Variants in RBFOX1 observed in about 807,000 individuals in gnomAD.
RBFOX1 encodes RNA binding protein fox-1 homolog 1.
Under a neutral mutation model 57.7 loss-of-function variants are expected in RBFOX1, and 8 were observed. The observed-to-expected ratio is 0.14, with a 90% CI of 0.08 to 0.25. The LOEUF is 0.25. Ranked by LOEUF, RBFOX1 falls within the 10% of genes least tolerant of loss-of-function variation. RBFOX1 has a pLI of 1.00. For synonymous variants in RBFOX1, 326 were observed against 222.4 expected (o/e 1.47, Z -4.15); for missense variants, 611 against 548.5 (o/e 1.11, Z -1.14).
At chr16:6,063,140 T>G (rs777880387) in intron 1 of RBFOX1, among the ~76,000 whole-genome samples, 1 of 152,066 alleles carries the variant, frequency 6.6e-6, no homozygotes, top group Non-Finnish European at 1.5e-5. Context: ...CCACCTAGAC[T>G]AGTTAACACA....
At chr16:6,751,345 G>A (rs574359589) in intron 3 of RBFOX1, among the ~76,000 whole-genome samples, 15 of 152,128 alleles carry the variant, frequency 9.9e-5, no homozygotes, top group Middle Eastern at 3.4e-3. Context: ...AAAAATGAAT[G>A]GACTGAAAAT....
At chr16:5,871,278 A>G (rs969205462) in intron 4 of RBFOX1, among the ~76,000 whole-genome samples, 5 of 152,216 alleles carry the variant, frequency 3.3e-5, no homozygotes, top group African/African-American at 1.2e-4. Flanking sequence ...TGCTAGCCGC[A>G]AAGCACCTGG....
intron 3 of RBFOX1, among the ~76,000 whole-genome samples, chr16:6,674,246 G>C (rs2098786384): frequency 6.6e-6 from 1 of 152,126 alleles, no homozygotes; most frequent in South Asian, 2.1e-4. Flanking sequence ...CTTTGCAGAT[G>C]TTATCAAGTT....
intron 3 of RBFOX1, among the ~76,000 whole-genome samples, chr16:7,017,972 A>G (rs1452450939): frequency 6.6e-6 from 1 of 152,132 alleles, no homozygotes; most frequent in Non-Finnish European, 1.5e-5. Context: ...CCCTTTCTCT[A>G]CGGGCAGTTG....
At chr16:7,388,215 C>T (rs1260410539) in intron 4 of RBFOX1, among the ~76,000 whole-genome samples, 2 of 152,108 alleles carry the variant, frequency 1.3e-5, no homozygotes, top group East Asian at 1.9e-4. Context: ...CAGAGTTCTA[C>T]AGACACACAA....
intron 3 of RBFOX1, among the ~76,000 whole-genome samples, chr16:5,735,987 G>C (rs2052556215): frequency 6.6e-6 from 1 of 152,172 alleles, no homozygotes; most frequent in Non-Finnish European, 1.5e-5. Context: ...GTTCTTAAAA[G>C]CAGAGGTTTG....
chr16:5,259,602 A>G (rs1472364730), intron 1 of RBFOX1, among the ~76,000 whole-genome samples: 1 of 152,132 alleles, frequency 6.6e-6, no homozygotes, highest in Non-Finnish European at 1.5e-5. Context: ...GTGAGGCTCT[A>G]GGGAGGCCAG....
At chr16:7,429,961 C>T (rs564678146) in intron 4 of RBFOX1, among the ~76,000 whole-genome samples, 2 of 152,316 alleles carry the variant, frequency 1.3e-5, no homozygotes, top group East Asian at 3.9e-4. Context: ...CATTGACCTA[C>T]TTACTTTCTC....
chr16:7,308,218 G>C (rs1323643510), intron 4 of RBFOX1, among the ~76,000 whole-genome samples: 1 of 151,808 alleles, frequency 6.6e-6, no homozygotes. Context: ...TCATGGTAAG[G>C]TATGGTGAGG....
intron 3 of RBFOX1, among the ~76,000 whole-genome samples, chr16:6,929,695 T>A (rs969890133): frequency 6.8e-6 from 1 of 148,110 alleles, no homozygotes; most frequent in African/African-American, 2.6e-5. Context: ...GAGAATGTGT[T>A]ACTACGGGGT....
intron 1 of RBFOX1, chr16:6,059,346 C>T (rs2095655352): frequency 1.3e-5 from 2 of 152,110 alleles, no homozygotes; most frequent in South Asian, 2.1e-4. Context: ...ATCTCTTGTG[C>T]AAGAGACTAG....
At chr16:6,239,948 T>C (rs1598705764) in intron 1 of RBFOX1, among the ~76,000 whole-genome samples, 3 of 151,838 alleles carry the variant, frequency 2.0e-5, no homozygotes, top group Admixed American at 6.6e-5. Flanking sequence ...TGGTGGGGGG[T>C]GTTTCGGTTG....
intron 12 of RBFOX1, among the ~76,000 whole-genome samples, chr16:7,656,572 C>A (rs900591725): frequency 2.6e-5 from 4 of 152,084 alleles, no homozygotes; most frequent in African/African-American, 9.7e-5. Context: ...TTCAGGTGGT[C>A]CAGAGAGCAG....
chr16:7,347,657 G>C (rs2097040793), intron 4 of RBFOX1, among the ~76,000 whole-genome samples: 1 of 152,138 alleles, frequency 6.6e-6, no homozygotes, highest in Admixed American at 6.5e-5. Flanking sequence ...CTGTGACTCA[G>C]CTACAGAGAC....
At chr16:6,987,185 T>A (rs1256635681) in intron 3 of RBFOX1, among the ~76,000 whole-genome samples, 2 of 152,094 alleles carry the variant, frequency 1.3e-5, no homozygotes, top group East Asian at 3.9e-4. Context: ...CTGAAGTGTT[T>A]TGCCAAGTCT....
intron 1 of RBFOX1, among the ~76,000 whole-genome samples, chr16:5,358,930 C>T (rs1424773960): frequency 3.3e-5 from 5 of 152,178 alleles, no homozygotes; most frequent in East Asian, 1.9e-4. Flanking sequence ...TTTTGATACC[C>T]ATTATTCCTC....
chr16:5,290,594 A>G (rs982081428), intron 1 of RBFOX1, among the ~76,000 whole-genome samples: 2 of 152,212 alleles, frequency 1.3e-5, no homozygotes, highest in Admixed American at 1.3e-4. Flanking sequence ...TGAAGAGATG[A>G]CACTTAAGGA....
intron 2 of RBFOX1, among the ~76,000 whole-genome samples, chr16:6,447,621 C>T (rs1030756573): frequency 6.6e-6 from 1 of 152,126 alleles, no homozygotes; most frequent in Non-Finnish European, 1.5e-5. Context: ...CTGTGTATCT[C>T]TACGTGCGCG....
intron 1 of RBFOX1, among the ~76,000 whole-genome samples, chr16:5,428,987 C>G (rs1298011158): frequency 2.6e-5 from 4 of 152,102 alleles, no homozygotes; most frequent in African/African-American, 9.7e-5. Flanking sequence ...TAACAACCCT[C>G]CGACCTGTGG....
Sources: gnomAD v4.1 joint callset for allele counts (sites outside exome capture counted in the v4.1 genomes callset) on GRCh38, gnomAD v4.1.1 for gene constraint, MANE v1.5 for transcripts, NCBI Gene and HGNC (gene_info 2026-07-23, HGNC 2026-07-21) for gene names.